Variants in CPQ observed in about 807,000 individuals in gnomAD.
CPQ encodes the protein carboxypeptidase Q.
CPQ carries 37 observed loss-of-function variants against 45.7 expected under a neutral mutation model. The observed-to-expected ratio is 0.81, with a 90% CI of 0.62 to 1.07. The LOEUF (loss-of-function observed/expected upper bound fraction) is 1.07, where lower values mean the gene tolerates loss of function less well. CPQ is among the 50% of genes least tolerant of loss of function. The probability of loss-of-function intolerance (pLI) is 0.00; values close to 1 mark genes in which losing one functional copy is unlikely to be tolerated. For synonymous variants in CPQ, 186 were observed against 205.8 expected, an observed-to-expected ratio of 0.90 and a Z score of 0.82; for missense variants, 537 against 572.9, an observed-to-expected ratio of 0.94 and a Z score of 0.64.
At chr8:96,671,319 CGT>C (rs532387025) in intron 1 of CPQ, among the ~76,000 whole-genome samples, 3 of 151,992 alleles carry the variant, frequency 2.0e-5, no homozygotes, top group African/African-American at 7.2e-5. Context: ...TATAAAAAAG[CGT>C]GTGTGTGTGT....
At chr8:97,110,833 C>T (rs1294292087) in intron 7 of CPQ, among the ~76,000 whole-genome samples, 1 of 152,144 alleles carries the variant, frequency 6.6e-6, no homozygotes, top group African/African-American at 2.4e-5. Context: ...GCCAGGGATT[C>T]GGGAGTTCTG....
chr8:96,927,326 C>T (rs79798960), intron 4 of CPQ, among the ~76,000 whole-genome samples: 1 of 152,148 alleles, frequency 6.6e-6, no homozygotes, highest in East Asian at 1.9e-4. Flanking sequence ...TGTTCCCCAT[C>T]GTGCATGCAT....
chr8:96,976,844 TAACTC>T (rs1428732635), intron 5 of CPQ, among the ~76,000 whole-genome samples: 1 of 152,036 alleles, frequency 6.6e-6, no homozygotes. Context: ...ACATAAAAAT[TAACTC>T]AAGATGGAAC....
intron 1 of CPQ, among the ~76,000 whole-genome samples, chr8:96,658,601 G>GATTAT: frequency 6.6e-6 from 1 of 152,336 alleles, no homozygotes; most frequent in Non-Finnish European, 1.5e-5. Context: ...TAATCATCTG[G>GATTAT]CCTTAAAATA....
chr8:96,936,887 C>G lies in CPQ; in HGVS notation c.850-29048C>G, dbSNP rs377523934. On this transcript the variant is annotated intron_variant, in intron 4 of 7. Coordinates refer to ENST00000220763, the MANE Select transcript of CPQ (RefSeq NM_016134.4). ...TCTCCATTCCCATAGCTTTAAAAGT[C>G]ATTAGAGGAGATAAAACAGGGTCAT... Among the ~76,000 whole-genome samples the G allele has an allele frequency of 2.4e-4, 37 of 152,182 alleles. 1 individual carries two copies. In the South Asian group the frequency reaches 6.2e-3, roughly 26 times the overall value.
At position 96,902,905 on chromosome 8, in the gene CPQ, G is replaced by A. The variant is rs142988094; in HGVS notation, c.849+22900G>A. ...GCACTGTCCAATCGACTTCTCTGAGGCATGAGTTTTTCTTCTAGCTCATTC... is the reference window on the plus strand; with the variant it reads ...GCACTGTCCAATCGACTTCTCTGAGACATGAGTTTTTCTTCTAGCTCATTC... On this transcript the variant is annotated intron_variant, in intron 4 of 7. Transcript: ENST00000220763. Among the ~76,000 whole-genome samples, 695 of 152,320 alleles carry A rather than the reference G, an allele frequency of 4.6e-3. 10 individuals carry two copies. Among genetic ancestry groups the A allele is most frequent in the African/African-American group, 0.014 (598 of 41,580 alleles).
chr8:97,018,999 A>C (rs149073228), intron 5 of CPQ, among the ~76,000 whole-genome samples: 1 of 152,344 alleles, frequency 6.6e-6, no homozygotes, highest in East Asian at 1.9e-4. Flanking sequence ...CAGGTAAACT[A>C]TAAAGGAAAA....
At chr8:97,113,075 G>A (rs935580830) in intron 7 of CPQ, among the ~76,000 whole-genome samples, 1 of 152,186 alleles carries the variant, frequency 6.6e-6, no homozygotes, top group Non-Finnish European at 1.5e-5. Context: ...GGATGCTAAG[G>A]AGCAGGCAGG....
chr8:97,004,893 G>A (rs1042787919), intron 5 of CPQ, among the ~76,000 whole-genome samples: 1 of 151,986 alleles, frequency 6.6e-6, no homozygotes, highest in Non-Finnish European at 1.5e-5. Flanking sequence ...AATGGGGTTT[G>A]ACTATTTCTT....
At chr8:97,072,892 C>G (rs1419857924) in intron 7 of CPQ, among the ~76,000 whole-genome samples, 3 of 152,160 alleles carry the variant, frequency 2.0e-5, no homozygotes, top group Non-Finnish European at 4.4e-5. Flanking sequence ...CCTCAGAATT[C>G]TCAGTGCCTA....
At position 96,667,593 on chromosome 8, in the gene CPQ, C is replaced by T. The variant is rs562281032; in HGVS notation, c.-35+22191C>T. ...CTCAAACTCCTGACCTCGTGATCTGCCCGCCTCGGCTTCCCAAAGTGCTAG... is the reference window on the plus strand; with the variant it reads ...CTCAAACTCCTGACCTCGTGATCTGTCCGCCTCGGCTTCCCAAAGTGCTAG... On this transcript the variant is annotated intron_variant, in intron 1 of 7. Coordinates refer to ENST00000220763, the MANE Select transcript of CPQ (RefSeq NM_016134.4). Among the ~76,000 whole-genome samples, 42 of 152,140 alleles carry T rather than the reference C, an allele frequency of 2.8e-4. 1 individual carries two copies. The highest frequency in any genetic ancestry group is 9.6e-4 in the African/African-American group (40 of 41,516).
intron 5 of CPQ, among the ~76,000 whole-genome samples, chr8:96,997,816 G>A (rs529916248): frequency 8.7e-4 from 133 of 152,030 alleles, no homozygotes; most frequent in Middle Eastern, 3.4e-3. Context: ...CAGTTATTGA[G>A]AACAATATTA....
At chr8:97,070,117 T>C (rs1420593346) in intron 7 of CPQ, among the ~76,000 whole-genome samples, 5 of 152,228 alleles carry the variant, frequency 3.3e-5, no homozygotes, top group Admixed American at 3.3e-4. Flanking sequence ...CTCTTTGTTC[T>C]AGATCTTCAG....
intron 7 of CPQ, among the ~76,000 whole-genome samples, chr8:97,099,115 C>CT (rs34830752): frequency 0.13 from 8,491 of 66,058 alleles, 2,324 homozygotes; most frequent in African/African-American, 0.23. Context: ...CCTTCTCTCT[C>CT]TTTTTTTTTT....
At chr8:97,036,623 G>A (rs1810011554) in intron 6 of CPQ, among the ~76,000 whole-genome samples, 1 of 152,076 alleles carries the variant, frequency 6.6e-6, no homozygotes, top group African/African-American at 2.4e-5. Context: ...TCTTCTCTTG[G>A]AAGGAGAACA....
intron 3 of CPQ, among the ~76,000 whole-genome samples, chr8:96,877,623 T>G (rs111907504): frequency 0.038 from 5,802 of 152,306 alleles, 177 homozygotes; most frequent in African/African-American, 0.077. Context: ...AACAACTAAT[T>G]TTTACTAAGT....
chr8:96,764,206 C>G (rs1810440003), intron 1 of CPQ, among the ~76,000 whole-genome samples: 1 of 152,154 alleles, frequency 6.6e-6, no homozygotes, highest in South Asian at 2.1e-4. Context: ...AAAGAATGAA[C>G]TATTAGTGAA....
At chr8:96,674,017 G>A (rs151120353) in intron 1 of CPQ, among the ~76,000 whole-genome samples, 11 of 152,236 alleles carry the variant, frequency 7.2e-5, no homozygotes, top group African/African-American at 2.6e-4. Flanking sequence ...TAAAAACTTA[G>A]TCTTATTTCT....
intron 3 of CPQ, among the ~76,000 whole-genome samples, chr8:96,851,091 AT>A (rs144171006): frequency 0.02 from 3,121 of 152,316 alleles, 74 homozygotes; most frequent in African/African-American, 0.055. Context: ...CTTCATAAAT[AT>A]CACCTCATTT....
Sources: allele counts gnomAD v4.1 joint callset (sites outside exome capture counted in the v4.1 genomes callset), GRCh38; gene constraint gnomAD v4.1.1; transcripts MANE v1.5; gene names NCBI Gene and HGNC (gene_info 2026-07-23, HGNC 2026-07-21).